Variants in TSHZ2 observed in about 807,000 individuals in gnomAD.
TSHZ2 encodes the protein teashirt zinc finger homeobox 2.
In TSHZ2, 21 loss-of-function variants were observed where a neutral mutation model predicts 74.4. That is an observed-to-expected ratio of 0.28 (90% confidence interval 0.20 to 0.41). TSHZ2 has a LOEUF of 0.41. Ranked by LOEUF, TSHZ2 falls within the 10% of genes least tolerant of loss-of-function variation. TSHZ2 has a pLI of 1.00. For synonymous variants in TSHZ2, 540 were observed against 515.3 expected (o/e 1.05, Z -0.65); for missense variants, 1,244 against 1,293.5 (o/e 0.96, Z 0.59).
Position 53,091,199 on chromosome 20 carries a change from G to T in TSHZ2, c.40+117866G>T, listed in dbSNP as rs192504748. On this transcript the variant is annotated intron_variant, in intron 1 of 2. Coordinates refer to ENST00000371497, the MANE Select transcript of TSHZ2 (RefSeq NM_173485.6). Reference sequence around the variant, plus strand: ...TAGATTGCCAATGTCAGTTGTGATAGAAAATACACTGTTCAAATTCATTTA... The same window carrying T: ...TAGATTGCCAATGTCAGTTGTGATATAAAATACACTGTTCAAATTCATTTA... Among the ~76,000 whole-genome samples the T allele has an allele frequency of 2.0e-5, 3 of 152,350 alleles. No individual in the cohort carries two copies. The East Asian group carries it at 5.8e-4, about 29-fold the overall frequency.
intron 1 of TSHZ2, among the ~76,000 whole-genome samples, chr20:53,022,812 T>A (rs1452270132): frequency 6.6e-6 from 1 of 152,254 alleles, no homozygotes; most frequent in East Asian, 1.9e-4. Flanking sequence ...TAGGAGTTCC[T>A]TTGTGTGAAC....
intron 1 of TSHZ2, among the ~76,000 whole-genome samples, chr20:53,047,513 C>T (rs1045203755): frequency 2.0e-5 from 3 of 152,108 alleles, no homozygotes; most frequent in African/African-American, 7.2e-5. Flanking sequence ...CAAATATTAC[C>T]TCCACTGACA....
At chr20:53,249,009 C>CT (rs11484282) in intron 1 of TSHZ2, among the ~76,000 whole-genome samples, 48,501 of 147,534 alleles carry the variant, frequency 0.33, 7,988 homozygotes, top group South Asian at 0.47. Context: ...GGCTGATTTT[C>CT]TTTTTTTTTT....
chr20:53,465,543 T>C (rs1985530937), intron 2 of TSHZ2, among the ~76,000 whole-genome samples: 2 of 152,070 alleles, frequency 1.3e-5, no homozygotes, highest in Admixed American at 1.3e-4. Flanking sequence ...ATTGCTAGGA[T>C]TGTAGGCATG....
At chr20:53,106,184 T>C (rs1402421777) in intron 1 of TSHZ2, among the ~76,000 whole-genome samples, 2 of 152,024 alleles carry the variant, frequency 1.3e-5, no homozygotes, top group African/African-American at 4.8e-5. Flanking sequence ...ACACCAGAAC[T>C]TTTTTCTCCT....
intron 2 of TSHZ2, among the ~76,000 whole-genome samples, chr20:53,361,064 C>A (rs1453115904): frequency 1.3e-5 from 2 of 152,164 alleles, no homozygotes; most frequent in East Asian, 3.9e-4. Context: ...ACCCGCTGCC[C>A]GCCCAGCCCC....
intron 1 of TSHZ2, among the ~76,000 whole-genome samples, chr20:53,120,178 A>G (rs570405775): frequency 1.3e-5 from 2 of 152,324 alleles, no homozygotes; most frequent in South Asian, 4.1e-4. Context: ...TGGAATGAGC[A>G]TGAATATGAA....
chr20:53,220,323 T>TAC (rs958630100), intron 1 of TSHZ2, among the ~76,000 whole-genome samples: 1 of 152,212 alleles, frequency 6.6e-6, no homozygotes, highest in Non-Finnish European at 1.5e-5. Flanking sequence ...CACACGTTCA[T>TAC]ACACACACAC....
intron 2 of TSHZ2, chr20:53,461,500 C>T: frequency 6.5e-6 from 1 of 153,312 alleles, no homozygotes; most frequent in Non-Finnish European, 1.5e-5. Context: ...CACCCGTCTT[C>T]TGCGTCGCTC....
intron 2 of TSHZ2, among the ~76,000 whole-genome samples, chr20:53,454,271 A>T (rs1300635935): frequency 6.6e-6 from 1 of 152,140 alleles, no homozygotes; most frequent in Non-Finnish European, 1.5e-5. Flanking sequence ...GCCCTTTAAA[A>T]TGTCTTTAAA....
chr20:53,020,250 GT>G (rs1983194290), intron 1 of TSHZ2, among the ~76,000 whole-genome samples: 1 of 152,174 alleles, frequency 6.6e-6, no homozygotes, highest in Non-Finnish European at 1.5e-5. Flanking sequence ...CGGTCCTCGT[GT>G]TATTACTACT....
intron 1 of TSHZ2, among the ~76,000 whole-genome samples, chr20:53,092,389 T>G (rs1469489582): frequency 6.6e-6 from 1 of 152,180 alleles, no homozygotes; most frequent in African/African-American, 2.4e-5. Flanking sequence ...GTTTTATCAG[T>G]CAACTTGAGT....
At chr20:53,317,831 C>G (rs1320226910) in intron 2 of TSHZ2, among the ~76,000 whole-genome samples, 3 of 152,236 alleles carry the variant, frequency 2.0e-5, no homozygotes, top group Non-Finnish European at 4.4e-5. Flanking sequence ...ATTTACGCAT[C>G]ATTCCCTTAC....
At position 53,255,847 on chromosome 20, in the gene TSHZ2, G is replaced by C; in HGVS notation, c.2389G>C (p.Asp797His). ...PQKHALSDIA[D>H]MVKVLPKATT... ...GAAGCACGCTCTGTCTGACATCGCC[G>C]ACATGGTCAAAGTCCTCCCCAAAGC... Residue 797 changes from aspartate (D) to histidine (H), a missense_variant, in exon 2 of 3, where the codon GAC becomes CAC. Around this residue, in one of 6 missense-constraint regions of TSHZ2, gnomAD observed 562 missense variants for 544.0 expected, o/e 1.03. Coordinates refer to ENST00000371497, the MANE Select transcript of TSHZ2 (RefSeq NM_173485.6). This position sits in a 1 kb window ranked among gnomAD's most constrained non-coding sequence, Gnocchi z 4.1. 4 of 1,611,502 alleles carry C rather than the reference G, an allele frequency of 2.5e-6. No homozygotes were observed. The highest frequency in any genetic ancestry group is 3.4e-6 in the Non-Finnish European group (4 of 1,178,446).
intron 1 of TSHZ2, among the ~76,000 whole-genome samples, chr20:52,984,126 C>G (rs1981666005): frequency 6.6e-6 from 1 of 152,104 alleles, no homozygotes; most frequent in Non-Finnish European, 1.5e-5. Context: ...CTGGAGAGCA[C>G]GGGGGAGATT....
intron 2 of TSHZ2, among the ~76,000 whole-genome samples, chr20:53,351,214 T>G (rs1273101037): frequency 1.3e-5 from 2 of 152,222 alleles, no homozygotes; most frequent in African/African-American, 4.8e-5. Context: ...AATTCACTGT[T>G]TTCCCTTATT....
chr20:53,270,671 CA>C (rs974141125), intron 2 of TSHZ2, among the ~76,000 whole-genome samples: 13 of 138,182 alleles, frequency 9.4e-5, no homozygotes, highest in African/African-American at 3.0e-4. Context: ...GCCTCCCCCC[CA>C]AAAAAAGCTT....
chr20:53,306,925 C>T lies in TSHZ2; in HGVS notation c.*8+50354C>T, dbSNP rs140277310. On this transcript the variant is annotated intron_variant, in intron 2 of 2. Coordinates refer to ENST00000371497, the MANE Select transcript of TSHZ2 (RefSeq NM_173485.6). ...ACATGCTACCAAGCAATGTGCTAAG[C>T]ATTTTACCTAACAGTTTATCCTCAC... is the stretch of plus-strand genomic sequence containing the variant. Among the ~76,000 whole-genome samples the T allele has an allele frequency of 5.8e-3, 884 of 152,292 alleles. 7 individuals carry two copies. The highest frequency in any genetic ancestry group is 9.1e-3 in the Non-Finnish European group (621 of 68,032).
rs766473491 is a variant in TSHZ2 at position 53,255,629 on chromosome 20, G to A, written c.2171G>A (p.Ser724Asn). 27 of 1,577,704 alleles carry A rather than the reference G, an allele frequency of 1.7e-5. No individual in the cohort carries two copies. In the South Asian group the frequency reaches 3.1e-4, roughly 18 times the overall value. ...CCTTCCTGCTCCAGCCCAAGTTCAA[G>A]CACAATTTCCATGTTCCACAAGTCG... ...RSPSCSSPSS[S>N]TISMFHKSNL... The change falls in exon 2 of 3, where the codon AGC becomes AAC. Residue 724 changes from serine to asparagine, a missense_variant. By Grantham distance (46) the Ser-to-Asn change is conservative. Around this residue, in one of 6 missense-constraint regions of TSHZ2, gnomAD observed 562 missense variants for 544.0 expected, o/e 1.03. Transcript: ENST00000371497. This position sits in a 1 kb window ranked among gnomAD's most constrained non-coding sequence, Gnocchi z 4.1.
Sources: allele counts gnomAD v4.1 joint callset (sites outside exome capture counted in the v4.1 genomes callset), GRCh38; gene constraint gnomAD v4.1.1; regional missense constraint gnomAD v4.1.1; non-coding constraint Gnocchi (gnomAD v3.1); transcripts MANE v1.5; gene names NCBI Gene and HGNC (gene_info 2026-07-23, HGNC 2026-07-21).